KCNN2: variants seen among roughly 807,000 people sequenced by gnomAD.
KCNN2 encodes the protein small conductance calcium-activated potassium channel protein 2.
Under a neutral mutation model 55.5 loss-of-function variants are expected in KCNN2, and 24 were observed. The ratio of observed to expected loss-of-function variants is 0.43; its 90% CI spans 0.31 to 0.61. KCNN2 has a LOEUF of 0.61. KCNN2 is among the 20% of genes least tolerant of loss of function. KCNN2 has a pLI of 0.08. For missense variants in KCNN2, 754 were observed against 853.6 expected (o/e 0.88, Z 1.45); for synonymous variants, 431 against 336.1 (o/e 1.28, Z -3.09).
chr5:114,338,616 T>A (rs1756964905), intron 2 of KCNN2, among the ~76,000 whole-genome samples: 1 of 152,188 alleles, frequency 6.6e-6, no homozygotes, highest in South Asian at 2.1e-4. Context: ...TACATCACCA[T>A]ATGGGGAGGT....
At chr5:114,283,356 AT>A (rs1331089308) in intron 2 of KCNN2, among the ~76,000 whole-genome samples, 1 of 151,736 alleles carries the variant, frequency 6.6e-6, no homozygotes, top group Admixed American at 6.6e-5. Flanking sequence ...TTATTATTCT[AT>A]TTTTCAGTTC....
At chr5:114,293,479 T>C (rs1755939922) in intron 2 of KCNN2, among the ~76,000 whole-genome samples, 1 of 152,234 alleles carries the variant, frequency 6.6e-6, no homozygotes, top group Non-Finnish European at 1.5e-5. Flanking sequence ...GTTCTGTTTA[T>C]ATGCTGGATT....
Position 114,074,035 on chromosome 5 carries a change from A to AT in KCNN2, c.-271+17542dup, listed in dbSNP as rs1394929135. On this transcript the variant is annotated intron_variant, in intron 1 of 10. Transcript: ENST00000512097. ...CAGCTCTAATATCTACAACTTTCAG[A>AT]TTTTTTTCCTGGCATGTTGACTTAC... is the stretch of plus-strand genomic sequence containing the variant. Among the ~76,000 whole-genome samples, 4 of 152,098 alleles carry AT rather than the reference A, an allele frequency of 2.6e-5. No individual in the cohort carries two copies. The East Asian group carries it at 7.7e-4, about 29-fold the overall frequency.
chr5:114,431,118 C>T (rs866736518), intron 3 of KCNN2, among the ~76,000 whole-genome samples: 2 of 151,872 alleles, frequency 1.3e-5, no homozygotes. Flanking sequence ...TAGAAACTTA[C>T]CCCCCCATCC....
At chr5:114,165,193 C>T (rs1752882866) in intron 1 of KCNN2, among the ~76,000 whole-genome samples, 1 of 152,004 alleles carries the variant, frequency 6.6e-6, no homozygotes, top group Non-Finnish European at 1.5e-5. Flanking sequence ...AAAAGTTATG[C>T]CAAGTGTGCC....
At chr5:114,122,635 CTG>C (rs1751849061) in intron 1 of KCNN2, among the ~76,000 whole-genome samples, 2 of 152,202 alleles carry the variant, frequency 1.3e-5, no homozygotes, top group African/African-American at 4.8e-5. Context: ...AAGATGCTCT[CTG>C]TGCTGCCCAT....
chr5:114,341,030 T>C (rs1159559964), intron 2 of KCNN2, among the ~76,000 whole-genome samples: 1 of 152,222 alleles, frequency 6.6e-6, no homozygotes, highest in Non-Finnish European at 1.5e-5. Context: ...TTTTAAAGGG[T>C]GAATATAATA....
chr5:114,442,612 A>G (rs1337236799), intron 3 of KCNN2, among the ~76,000 whole-genome samples: 1 of 152,144 alleles, frequency 6.6e-6, no homozygotes, highest in Non-Finnish European at 1.5e-5. Flanking sequence ...TTTTTGAAGT[A>G]TGCCTCGCCA....
intron 1 of KCNN2, among the ~76,000 whole-genome samples, chr5:114,174,414 C>T (rs1366719009): frequency 6.6e-6 from 1 of 152,092 alleles, no homozygotes; most frequent in African/African-American, 2.4e-5. Flanking sequence ...TTAGTCTAGA[C>T]AAGAGCATTT....
intron 1 of KCNN2, among the ~76,000 whole-genome samples, chr5:114,145,333 C>G (rs1202981035): frequency 6.6e-6 from 1 of 152,204 alleles, no homozygotes; most frequent in Non-Finnish European, 1.5e-5. Flanking sequence ...TCTGAACTAA[C>G]ACAATCCTTC....
intron 2 of KCNN2, among the ~76,000 whole-genome samples, chr5:114,311,028 C>G (rs1314021152): frequency 6.6e-6 from 1 of 152,014 alleles, no homozygotes; most frequent in Non-Finnish European, 1.5e-5. Flanking sequence ...TGGACAATTT[C>G]TGGTGGGAGA....
intron 1 of KCNN2, among the ~76,000 whole-genome samples, chr5:114,166,046 C>A (rs760625910): frequency 2.0e-5 from 3 of 151,724 alleles, no homozygotes; most frequent in African/African-American, 2.4e-5. Flanking sequence ...TCTTATGAAA[C>A]AATTCTTTTT....
intron 1 of KCNN2, among the ~76,000 whole-genome samples, chr5:114,062,156 G>T (rs929647706): frequency 6.6e-6 from 1 of 151,048 alleles, no homozygotes; most frequent in African/African-American, 2.4e-5. Context: ...GACTTGTCAC[G>T]TAGTTATAAT....
chr5:114,360,581 G>A (rs1380427971), upstream of KCNN2, among the ~76,000 whole-genome samples: 2 of 152,340 alleles, frequency 1.3e-5, no homozygotes, highest in Middle Eastern at 3.4e-3. Context: ...AAATGCAAAT[G>A]TAAAGACTTA....
intron 4 of KCNN2, 53 bp downstream of exon 4, chr5:114,463,243 A>C: frequency 6.8e-7 from 1 of 1,475,378 alleles, no homozygotes; most frequent in East Asian, 2.3e-5. Context: ...GAAGGCACTT[A>C]AACCACTCAG....
At chr5:114,345,474 G>A (rs1049194670) in intron 2 of KCNN2, among the ~76,000 whole-genome samples, 1 of 152,158 alleles carries the variant, frequency 6.6e-6, no homozygotes, top group Non-Finnish European at 1.5e-5. Context: ...AAAGACAAAT[G>A]AATGCTAATT....
chr5:114,322,764 C>CTT (rs1756636773), intron 2 of KCNN2, among the ~76,000 whole-genome samples: 1 of 152,148 alleles, frequency 6.6e-6, no homozygotes, highest in Non-Finnish European at 1.5e-5. Flanking sequence ...CTAAGTATAA[C>CTT]TTTACATTTT....
chr5:114,296,219 G>T (rs1300824618), intron 2 of KCNN2, among the ~76,000 whole-genome samples: 4 of 152,198 alleles, frequency 2.6e-5, no homozygotes, highest in African/African-American at 9.7e-5. Flanking sequence ...GAGGGAGAAT[G>T]AGTAACCTCT....
intron 1 of KCNN2, among the ~76,000 whole-genome samples, chr5:114,124,422 G>A (rs2112601718): frequency 6.6e-6 from 1 of 152,264 alleles, no homozygotes; most frequent in East Asian, 1.9e-4. Flanking sequence ...TATGGAACTT[G>A]GAGAATCTTA....
Sources: gnomAD v4.1 joint callset for allele counts (sites outside exome capture counted in the v4.1 genomes callset) on GRCh38, gnomAD v4.1.1 for gene constraint, MANE v1.5 for transcripts, NCBI Gene and HGNC (gene_info 2026-07-23, HGNC 2026-07-21) for gene names.